Variants in ZNF571 observed in about 807,000 individuals in gnomAD.
ZNF571 encodes the protein zinc finger protein 571.
In ZNF571, 4 loss-of-function variants were observed where a neutral mutation model predicts 7.7. The observed-to-expected ratio is 0.52, with a 90% CI of 0.25 to 1.18. The LOEUF (loss-of-function observed/expected upper bound fraction) is 1.18, where lower values mean the gene tolerates loss of function less well. Ranked by LOEUF, ZNF571 falls within the 50% of genes most tolerant of loss-of-function variation. ZNF571 has a pLI of 0.14. For synonymous variants in ZNF571, 251 were observed against 232.4 expected, an observed-to-expected ratio of 1.08 and a Z score of -0.73; for missense variants, 704 against 726.9, an observed-to-expected ratio of 0.97 and a Z score of 0.36.
Position 37,565,899 on chromosome 19 carries a change from T to G in ZNF571, c.529A>C (p.Ser177Arg). Residue 177 changes from serine to arginine, a missense_variant, in exon 4 of 4, where the codon AGC (serine) becomes CGC (arginine). Transcript: ENST00000451802. The part of the protein sequence containing the change: ...SEVKKHRNTF[S>R]KKPSYIQHQR... The stretch of plus-strand genomic sequence containing the variant: ...TGTTGAATATAGCTTGGCTTTTTGC[T>G]AAAGGTATTCCTGTGTTTCTTAACT... The G allele has an allele frequency of 6.2e-7, 1 of 1,613,950 alleles. No individual in the cohort carries two copies. The highest frequency in any genetic ancestry group is 8.5e-7 in the Non-Finnish European group (1 of 1,179,904).
At chr19:37,566,642 G>A (rs1269736329) in intron 3 of ZNF571, among the ~76,000 whole-genome samples, 2 of 152,052 alleles carry the variant, frequency 1.3e-5, no homozygotes, top group Admixed American at 1.3e-4. Flanking sequence ...CAGCTCTCCT[G>A]TCAACATTAA....
rs567855310 is a variant in ZNF571, at chr19:37,582,292, C to A, written c.136+1679G>T. Among the ~76,000 whole-genome samples, 4 of 152,304 alleles carry A rather than the reference C, an allele frequency of 2.6e-5. No individual in the cohort carries two copies. In the East Asian group the frequency reaches 7.7e-4, roughly 29 times the overall value. On this transcript the variant is annotated intron_variant, in intron 3 of 3. Transcript: ENST00000451802. ...CCCTTCATCCTGCCAAATCCAATAGCCAATTTTCAGCGTTCCTCTTACTTG... is the reference window on the plus strand; with the variant it reads ...CCCTTCATCCTGCCAAATCCAATAGACAATTTTCAGCGTTCCTCTTACTTG...
At position 37,564,714 on chromosome 19, in the gene ZNF571, C is replaced by G; in HGVS notation, c.1714G>C (p.Glu572Gln). 6.2e-7 allele frequency: 1 copy of G among 1,613,542 alleles called. No homozygotes were observed. Among genetic ancestry groups the G allele is most frequent in the Non-Finnish European group, 8.5e-7 (1 of 1,179,654 alleles). Residue 572 changes from glutamate to glutamine, a missense_variant, in exon 4 of 4, where the codon GAA (glutamate) becomes CAA (glutamine). Physicochemically the swap from Glu to Gln is conservative, Grantham distance 29. Coordinates refer to ENST00000451802, the MANE Select transcript of ZNF571 (RefSeq NM_016536.5). ...ECGRAFSRGS[E>Q]LTLHQRIHTG... ...TGGATCCTTTGATGCAGAGTAAGTT[C>G]TGAGCCACGACTAAAGGCCCTCCCA...
At chr19:37,574,254 C>A (rs2043168783) in intron 3 of ZNF571, among the ~76,000 whole-genome samples, 1 of 152,102 alleles carries the variant, frequency 6.6e-6, no homozygotes, top group Non-Finnish European at 1.5e-5. Context: ...AACACCTGAG[C>A]CCTTTAAATC....
At chr19:37,593,450 TC>T (rs1235103056) in intron 1 of ZNF571, among the ~76,000 whole-genome samples, 2 of 152,184 alleles carry the variant, frequency 1.3e-5, no homozygotes, top group African/African-American at 4.8e-5. Flanking sequence ...ACGCCTGTAA[TC>T]CCAGCACTCT....
At chr19:37,576,551 TG>T (rs1377941603) in intron 3 of ZNF571, among the ~76,000 whole-genome samples, 1 of 152,210 alleles carries the variant, frequency 6.6e-6, no homozygotes, top group Non-Finnish European at 1.5e-5. Flanking sequence ...CCTTAGGGTT[TG>T]TAAAATTTCA....
At chr19:37,568,752 A>G (rs1436222875) in intron 3 of ZNF571, among the ~76,000 whole-genome samples, 1 of 152,210 alleles carries the variant, frequency 6.6e-6, no homozygotes, top group Non-Finnish European at 1.5e-5. Context: ...CATTAAATTA[A>G]TGAAAAAACT....
chr19:37,581,468 T>TTC (rs1224453220), intron 3 of ZNF571, among the ~76,000 whole-genome samples: 1 of 145,566 alleles, frequency 6.9e-6, no homozygotes, highest in East Asian at 2.0e-4. Context: ...CTTTCTTTCT[T>TTC]TTTTTTTTTT....
At chr19:37,575,915 C>A (rs1283463896) in intron 3 of ZNF571, 3 of 152,160 alleles carry the variant, frequency 2.0e-5, no homozygotes, top group Non-Finnish European at 4.4e-5. Context: ...CATATACACA[C>A]AATTTCCGTT....
At position 37,586,649 on chromosome 19, in the gene ZNF571, G is replaced by GA; in HGVS notation, c.9+18dup. 1.2e-6 allele frequency: 2 copies of GA among 1,613,848 alleles called. No individual in the cohort carries two copies. The highest frequency in any genetic ancestry group is 1.7e-6 in the Non-Finnish European group (2 of 1,179,868). ...AACAAAATGATTGTACTTCAAGAAG[G>GA]AAAGAAACAGCAACTCACGTGGGGC... On this transcript the variant is annotated intron_variant, in intron 2 of 3. Transcript: ENST00000451802.
intron 1 of ZNF571, among the ~76,000 whole-genome samples, chr19:37,591,857 T>C (rs777279291): frequency 6.6e-6 from 1 of 152,180 alleles, no homozygotes; most frequent in South Asian, 2.1e-4. Flanking sequence ...AACCGTATTT[T>C]AAGATAACCA....
At position 37,565,208 on chromosome 19, in the gene ZNF571, A is replaced by C. The variant is rs1290385706; in HGVS notation, c.1220T>G (p.Ile407Ser). 6.2e-7 allele frequency: 1 copy of C among 1,612,822 alleles called. No homozygotes were observed. Among genetic ancestry groups the C allele is most frequent in the Non-Finnish European group, 8.5e-7 (1 of 1,179,710 alleles). The part of the protein sequence containing the change: ...GKAFISNSNL[I>S]QHQRIHTGEK... ...TCCGGTATGAATTCTTTGATGTTGA[A>C]TAAGATTAGAATTAGAAATAAAGGC... Residue 407 changes from isoleucine to serine, a missense_variant, in exon 4 of 4, where the codon ATT (isoleucine) becomes AGT (serine). Coordinates refer to ENST00000451802, the MANE Select transcript of ZNF571 (RefSeq NM_016536.5).
rs374423136 is a variant in ZNF571 at position 37,565,086 on chromosome 19, C to A, written c.1342G>T (p.Glu448Ter). Residue 448 changes from glutamate to a stop codon, truncating the protein, a stop_gained, in exon 4 of 4, where the codon GAA becomes TAA. Transcript: ENST00000451802. LOFTEE classifies it low-confidence loss of function (END_TRUNC). ...QRIHTGEKPF[E>*]CKECGKAFIR... is the part of the protein sequence containing the mutation. ...AAGGCCTTTCCACATTCCTTACATT[C>A]AAAGGGTTTCTCACCTGTATGAATT... 5.0e-6 allele frequency: 8 copies of A among 1,612,996 alleles called. No homozygotes were observed. The African/African-American group carries it at 1.1e-4, about 22-fold the overall frequency.
chr19:37,589,863 T>TAAAA (rs1228213871), intron 1 of ZNF571, among the ~76,000 whole-genome samples: 1 of 2,332 alleles, frequency 4.3e-4, no homozygotes, highest in Non-Finnish European at 5.7e-4. Flanking sequence ...AGACTCCATC[T>TAAAA]CAAAAAAAAA....
chr19:37,568,323 C>G (rs1568344391), intron 3 of ZNF571, among the ~76,000 whole-genome samples: 3 of 150,614 alleles, frequency 2.0e-5, no homozygotes, highest in Admixed American at 2.0e-4. Context: ...AACTACCCCC[C>G]CCCACTTGCC....
At chr19:37,593,077 T>C (rs756862646) in intron 1 of ZNF571, among the ~76,000 whole-genome samples, 2 of 152,148 alleles carry the variant, frequency 1.3e-5, no homozygotes, top group Non-Finnish European at 2.9e-5. Context: ...ACCACCACGC[T>C]GTTACACCAA....
chr19:37,587,971 A>G (rs1464183701), intron 1 of ZNF571, among the ~76,000 whole-genome samples: 1 of 151,902 alleles, frequency 6.6e-6, no homozygotes, highest in Non-Finnish European at 1.5e-5. Context: ...ATGGTGGCAC[A>G]TGCCTGTAGT....
chr19:37,587,592 C>CT (rs199760691), intron 1 of ZNF571, among the ~76,000 whole-genome samples: 1,530 of 144,746 alleles, frequency 0.011, 8 homozygotes, highest in South Asian at 0.015. Context: ...TAGCACTGAT[C>CT]TTTTTTTTTT....
intron 3 of ZNF571, among the ~76,000 whole-genome samples, chr19:37,577,173 A>G (rs961500691): frequency 6.6e-6 from 1 of 152,218 alleles, no homozygotes; most frequent in African/African-American, 2.4e-5. Context: ...TTAATTGAAT[A>G]GGGCCATGAA....
Sources: gnomAD v4.1 joint callset for allele counts (sites outside exome capture counted in the v4.1 genomes callset) on GRCh38, gnomAD v4.1.1 for gene constraint, MANE v1.5 for transcripts, NCBI Gene and HGNC (gene_info 2026-07-23, HGNC 2026-07-21) for gene names.